Variants in ABRACL observed in about 807,000 individuals in gnomAD.
The protein encoded by ABRACL is costars family protein ABRACL.
A neutral mutation model predicts 7.0 loss-of-function variants in ABRACL; 4 were observed. That is an observed-to-expected ratio of 0.57 (90% confidence interval 0.28 to 1.30). The LOEUF (loss-of-function observed/expected upper bound fraction) is 1.30, where lower values mean the gene tolerates loss of function less well. Among genes scored for constraint, ABRACL ranks in the 50% most tolerant of loss-of-function variants. The probability of loss-of-function intolerance (pLI) is 0.10; values close to 1 mark genes in which losing one functional copy is unlikely to be tolerated. For synonymous variants in ABRACL, 30 were observed against 36.0 expected, an observed-to-expected ratio of 0.83 and a Z score of 0.60; for missense variants, 104 against 97.3, an observed-to-expected ratio of 1.07 and a Z score of -0.29.
intron 2 of ABRACL, among the ~76,000 whole-genome samples, chr6:139,038,433 C>T (rs1026068208): frequency 1.3e-5 from 2 of 152,078 alleles, no homozygotes; most frequent in South Asian, 2.1e-4. Context: ...TATCTTTGAA[C>T]GTGTTATGGT....
intron 2 of ABRACL, among the ~76,000 whole-genome samples, chr6:139,041,449 CTCTATATA>C (rs1350153188): frequency 3.1e-4 from 25 of 81,876 alleles, no homozygotes; most frequent in Admixed American, 2.7e-3. Flanking sequence ...CTCTCTCTCT[CTCTATATA>C]TATATATATA....
intron 2 of ABRACL, among the ~76,000 whole-genome samples, chr6:139,038,108 G>T (rs1786192057): frequency 1.3e-5 from 2 of 152,056 alleles, no homozygotes; most frequent in Non-Finnish European, 2.9e-5. Context: ...AGTTATAGGT[G>T]TTACAGGCAT....
intron 2 of ABRACL, among the ~76,000 whole-genome samples, chr6:139,041,451 C>CTCTCTATA (rs140091253): frequency 4.4e-4 from 48 of 110,036 alleles, no homozygotes; most frequent in East Asian, 7.5e-4. Flanking sequence ...CTCTCTCTCT[C>CTCTCTATA]TATATATATA....
intron 1 of ABRACL, among the ~76,000 whole-genome samples, chr6:139,033,487 G>A (rs568974814): frequency 2.6e-5 from 4 of 152,330 alleles, no homozygotes; most frequent in African/African-American, 9.6e-5. Flanking sequence ...GGCTCCTGAA[G>A]GGCAGGGAGT....
At chr6:139,039,092 C>G (rs962058499) in intron 2 of ABRACL, among the ~76,000 whole-genome samples, 1 of 151,890 alleles carries the variant, frequency 6.6e-6, no homozygotes, top group African/African-American at 2.4e-5. Context: ...GGCCTCGTGG[C>G]GGGTGCCTGT....
chr6:139,034,136 T>C lies in ABRACL; in HGVS notation c.-6-19T>C, dbSNP rs770739387. The C allele has an allele frequency of 2.4e-5, 39 of 1,614,040 alleles. No homozygotes were observed. The highest frequency in any genetic ancestry group is 3.1e-5 in the Non-Finnish European group (37 of 1,180,038). On this transcript the variant is annotated intron_variant, in intron 1 of 2. Coordinates refer to ENST00000367660, the MANE Select transcript of ABRACL (RefSeq NM_021243.3). Reference sequence around the variant, plus strand: ...GAATGTAATGGTGATAATTTAGACTTCCTTTTTTTCTCTCCCAGGCAGCAA... The same window carrying C: ...GAATGTAATGGTGATAATTTAGACTCCCTTTTTTTCTCTCCCAGGCAGCAA...
At chr6:139,035,887 G>T (rs1786148297) in intron 2 of ABRACL, among the ~76,000 whole-genome samples, 1 of 145,686 alleles carries the variant, frequency 6.9e-6, no homozygotes, top group South Asian at 2.4e-4. Context: ...GGATCATGAG[G>T]TGAGGAGTTC....
chr6:139,037,540 C>T (rs377356255), intron 2 of ABRACL, among the ~76,000 whole-genome samples: 4 of 152,076 alleles, frequency 2.6e-5, no homozygotes, highest in East Asian at 3.9e-4. Flanking sequence ...GGATTACAGG[C>T]GTGAGCCACT....
intron 1 of ABRACL, 140 bp from the exon 2 acceptor site, chr6:139,034,015 A>G (rs1786119358): frequency 2.6e-6 from 3 of 1,174,442 alleles, no homozygotes; most frequent in Non-Finnish European, 3.6e-6. Context: ...CACATGCATC[A>G]CACAAATATT....
chr6:139,034,550 A>C, intron 2 of ABRACL: 2 of 861,654 alleles, frequency 2.3e-6, no homozygotes, highest in Non-Finnish European at 3.4e-6. Flanking sequence ...TCATACTATT[A>C]AAATTCATGT....
chr6:139,035,711 G>C (rs62441852), intron 2 of ABRACL, among the ~76,000 whole-genome samples: 60,222 of 149,462 alleles, frequency 0.4, 13,425 homozygotes, highest in East Asian at 0.88. Flanking sequence ...TTGAACTCCT[G>C]ACCTCAGGTG....
At chr6:139,032,166 G>T (rs1786092131) in intron 1 of ABRACL, among the ~76,000 whole-genome samples, 1 of 151,824 alleles carries the variant, frequency 6.6e-6, no homozygotes, top group African/African-American at 2.4e-5. Context: ...GGGTTTCACC[G>T]TGTTAGCCAG....
intron 2 of ABRACL, among the ~76,000 whole-genome samples, chr6:139,037,730 A>G (rs1490617338): frequency 1.3e-5 from 2 of 150,158 alleles, no homozygotes; most frequent in African/African-American, 2.5e-5. Context: ...GAGCTCAGTG[A>G]GGTCATGTTA....
chr6:139,041,525 A>G (rs1245795499), intron 2 of ABRACL, among the ~76,000 whole-genome samples: 2 of 41,910 alleles, frequency 4.8e-5, no homozygotes, highest in Non-Finnish European at 7.8e-5. Context: ...ATATATATAT[A>G]TATATATTTT....
chr6:139,041,691 A>G (rs1465791552), intron 2 of ABRACL, among the ~76,000 whole-genome samples: 2 of 151,736 alleles, frequency 1.3e-5, no homozygotes, highest in African/African-American at 4.8e-5. Context: ...CTCATTTGGC[A>G]TCCAATCACA....
chr6:139,030,277 G>A (rs1786061814), intron 1 of ABRACL, among the ~76,000 whole-genome samples: 1 of 151,728 alleles, frequency 6.6e-6, no homozygotes, highest in Non-Finnish European at 1.5e-5. Context: ...TCTTCTTTAT[G>A]CTAGGAACAT....
chr6:139,036,279 C>T (rs1786155094), intron 2 of ABRACL, among the ~76,000 whole-genome samples: 1 of 152,082 alleles, frequency 6.6e-6, no homozygotes, highest in Admixed American at 6.5e-5. Context: ...TTGGATTACA[C>T]TGGGCTCACC....
At chr6:139,031,080 G>C (rs1195399599) in intron 1 of ABRACL, among the ~76,000 whole-genome samples, 1 of 152,210 alleles carries the variant, frequency 6.6e-6, no homozygotes, top group African/African-American at 2.4e-5. Flanking sequence ...AGGAAGGAGC[G>C]AAGAAGGGTG....
At chr6:139,034,556 C>A in intron 2 of ABRACL, 1 of 815,576 alleles carries the variant, frequency 1.2e-6, no homozygotes, top group Non-Finnish European at 1.8e-6. Flanking sequence ...TATTAAAATT[C>A]ATGTTTTCTG....
Sources: allele counts gnomAD v4.1 joint callset (sites outside exome capture counted in the v4.1 genomes callset), GRCh38; gene constraint gnomAD v4.1.1; transcripts MANE v1.5; gene names NCBI Gene and HGNC (gene_info 2026-07-23, HGNC 2026-07-21).